Variants in DACH2 observed in about 807,000 individuals in gnomAD.
The protein encoded by DACH2 is dachshund homolog 2.
In DACH2, 17 loss-of-function variants were observed where a neutral mutation model predicts 35.8. The ratio of observed to expected loss-of-function variants is 0.48; its 90% CI spans 0.33 to 0.71. DACH2 has a LOEUF of 0.71. DACH2 is among the 30% of genes least tolerant of loss of function. DACH2 has a pLI of 0.02. For synonymous variants in DACH2, 195 were observed against 177.3 expected, an observed-to-expected ratio of 1.10 and a Z score of -0.79; for missense variants, 469 against 472.7, an observed-to-expected ratio of 0.99 and a Z score of 0.07.
At chrX:86,513,309 G>T (rs2038421254) in intron 2 of DACH2, among the ~76,000 whole-genome samples, 1 of 111,732 alleles carries the variant, frequency 8.9e-6, no homozygotes, top group Admixed American at 9.5e-5. Flanking sequence ...TTTGTAAAAT[G>T]CATTTCTACT....
At chrX:86,260,894 C>G (rs2033613910) in intron 1 of DACH2, among the ~76,000 whole-genome samples, 1 of 111,709 alleles carries the variant, frequency 9.0e-6, no homozygotes, top group Non-Finnish European at 1.9e-5. Flanking sequence ...TTTGCAGAGG[C>G]ACCTAAAGTA....
intron 1 of DACH2, among the ~76,000 whole-genome samples, chrX:86,271,687 T>C (rs1281183033): frequency 8.9e-6 from 1 of 111,747 alleles, no homozygotes; most frequent in Non-Finnish European, 1.9e-5. Context: ...AATTTTCCAT[T>C]CTACTCCCAG....
intron 2 of DACH2, among the ~76,000 whole-genome samples, chrX:86,500,056 G>A (rs1475204015): frequency 1.8e-5 from 2 of 111,498 alleles, no homozygotes; most frequent in Admixed American, 9.6e-5. Flanking sequence ...TGTTTTCAGA[G>A]CACAAACAAC....
intron 1 of DACH2, among the ~76,000 whole-genome samples, chrX:86,288,079 G>C (rs894596481): frequency 8.9e-6 from 1 of 112,263 alleles, no homozygotes; most frequent in East Asian, 2.8e-4. Flanking sequence ...TGCAATCTAA[G>C]CTGTATGTGC....
chrX:86,301,990 T>A (rs2034584670), intron 1 of DACH2, among the ~76,000 whole-genome samples: 1 of 111,652 alleles, frequency 9.0e-6, no homozygotes, highest in Admixed American at 9.5e-5. Context: ...TGACCCAGTG[T>A]TAATGTGTAG....
At chrX:86,221,547 G>A (rs1290798892) in intron 1 of DACH2, among the ~76,000 whole-genome samples, 1 of 111,862 alleles carries the variant, frequency 8.9e-6, no homozygotes, top group Non-Finnish European at 1.9e-5. Context: ...CTAAACAGTT[G>A]ACTTTTGTGG....
At chrX:86,375,821 G>C (rs1037936607) in intron 1 of DACH2, among the ~76,000 whole-genome samples, 9 of 110,006 alleles carry the variant, frequency 8.2e-5, no homozygotes, top group Non-Finnish European at 1.7e-4. Flanking sequence ...AAACAAAACA[G>C]ATGATATTTT....
chrX:86,773,789 A>G (rs1487731335), intron 7 of DACH2, among the ~76,000 whole-genome samples: 1 of 111,965 alleles, frequency 8.9e-6, no homozygotes, highest in Non-Finnish European at 1.9e-5. Flanking sequence ...ACCACCACAT[A>G]TCAAAGCCTT....
chrX:86,306,507 G>A (rs1419217965), intron 1 of DACH2, among the ~76,000 whole-genome samples: 2 of 111,985 alleles, frequency 1.8e-5, no homozygotes, highest in South Asian at 7.5e-4. Context: ...TAACATTTGA[G>A]TCAGTGGGCT....
At chrX:86,203,593 T>C (rs754958423) in intron 1 of DACH2, among the ~76,000 whole-genome samples, 1 of 111,995 alleles carries the variant, frequency 8.9e-6, no homozygotes, top group Non-Finnish European at 1.9e-5. Context: ...TATCAACAGA[T>C]GAATAGATTT....
chrX:86,477,460 T>C lies in DACH2; in HGVS notation c.528-36819T>C, dbSNP rs1438185621. ...TTATAGTTTTGTCTTGAAATCGATT[T>C]AGTCTGATATATTTATAGTGACACC... On this transcript the variant is annotated intron_variant, in intron 2 of 11. Transcript: ENST00000373125. Among the ~76,000 whole-genome samples the C allele has an allele frequency of 3.7e-5, 4 of 106,846 alleles. No homozygotes were observed. In the South Asian group the frequency reaches 1.6e-3, roughly 43 times the overall value. The allele number at this position is 106,846 out of a possible 115,157, so 92.8% of individuals were successfully genotyped here.
chrX:86,454,127 A>C (rs1010303387), intron 2 of DACH2, among the ~76,000 whole-genome samples: 1 of 111,122 alleles, frequency 9.0e-6, no homozygotes, highest in African/African-American at 3.3e-5. Context: ...GGCTTGTAGG[A>C]TATCCGCTGA....
chrX:86,315,788 GACACACACAC>G (rs774427717), intron 1 of DACH2, among the ~76,000 whole-genome samples: 979 of 78,482 alleles, frequency 0.012, 16 homozygotes, highest in African/African-American at 0.028. Context: ...GAGGGTCGTG[GACACACACAC>G]ACACACACAC....
At chrX:86,389,646 G>A (rs940387546) in intron 2 of DACH2, among the ~76,000 whole-genome samples, 1 of 111,947 alleles carries the variant, frequency 8.9e-6, no homozygotes, top group Non-Finnish European at 1.9e-5. Context: ...AGTTTAGGTC[G>A]TCATAGCAAC....
chrX:86,764,730 C>T (rs961218250), intron 7 of DACH2, among the ~76,000 whole-genome samples: 1 of 111,377 alleles, frequency 9.0e-6, no homozygotes, highest in Non-Finnish European at 1.9e-5. Flanking sequence ...AGTTATTTTT[C>T]TCTGGGTATA....
intron 2 of DACH2, among the ~76,000 whole-genome samples, chrX:86,417,430 G>A (rs142879168): frequency 1.1e-4 from 12 of 112,084 alleles, no homozygotes; most frequent in Non-Finnish European, 1.1e-4. Flanking sequence ...AGGGCCACAG[G>A]GCTGAGGAGA....
At chrX:86,798,255 G>A (rs1480807751) in intron 7 of DACH2, among the ~76,000 whole-genome samples, 1 of 111,558 alleles carries the variant, frequency 9.0e-6, no homozygotes, top group Non-Finnish European at 1.9e-5. Context: ...GGTATGTGCT[G>A]GGGCATCTGC....
At chrX:86,613,804 G>A (rs1274287991) in intron 3 of DACH2, among the ~76,000 whole-genome samples, 2 of 111,525 alleles carry the variant, frequency 1.8e-5, no homozygotes, top group East Asian at 5.6e-4. Context: ...TATGGCATAA[G>A]TCAGTCACAT....
chrX:86,441,869 G>GTGTA (rs781209516), intron 2 of DACH2, among the ~76,000 whole-genome samples: 1 of 98,218 alleles, frequency 1.0e-5, no homozygotes, highest in East Asian at 3.1e-4. Context: ...GTGTGTGTGT[G>GTGTA]TATATATATA....
Sources: allele counts gnomAD v4.1 joint callset (sites outside exome capture counted in the v4.1 genomes callset), GRCh38; gene constraint gnomAD v4.1.1; transcripts MANE v1.5; gene names NCBI Gene and HGNC (gene_info 2026-07-23, HGNC 2026-07-21).